Variants in NLRC5 observed in about 807,000 individuals in gnomAD.
NLRC5 encodes protein NLRC5.
NLRC5 carries 114 observed loss-of-function variants against 206.9 expected under a neutral mutation model. That is an observed-to-expected ratio of 0.55 (90% CI 0.47 to 0.64). The LOEUF is 0.64. Among genes scored for constraint, NLRC5 ranks in the 30% least tolerant of loss-of-function variants. NLRC5 has a pLI of 0.00. For synonymous variants in NLRC5, 952 were observed against 962.8 expected (o/e 0.99, Z 0.21); for missense variants, 2,008 against 2,305.5 (o/e 0.87, Z 2.64).
At position 57,079,077 on chromosome 16, in the gene NLRC5, T is replaced by C. The variant is rs2068795731; in HGVS notation, c.5109T>C (p.Gly1703=). The change falls in exon 44 of 49, where the codon GGT becomes GGC. Residue 1703 remains glycine, a synonymous_variant. Coordinates refer to ENST00000688547, the MANE Select transcript of NLRC5 (RefSeq NM_001384950.1). The part of the protein sequence containing the change: ...LHLPFSHLGP[G]GALSLAQALD... ...TACCATTCAGCCATCTGGGCCCAGG[T>C]GGGGCCCTGAGCCTGGCCCAGGCCC... is the stretch of plus-strand genomic sequence containing the variant. 3 of 1,614,038 alleles carry C rather than the reference T, an allele frequency of 1.9e-6. No individual in the cohort carries two copies. Among genetic ancestry groups the C allele is most frequent in the Non-Finnish European group, 2.5e-6 (3 of 1,179,980 alleles).
rs767160749 is a variant in NLRC5 at position 57,025,488 on chromosome 16, G to A, written c.545G>A (p.Arg182His). The change falls in exon 6 of 49, where the codon CGC (arginine) becomes CAC (histidine). Residue 182 changes from arginine to histidine, a missense_variant. Physicochemically the swap from Arg to His is conservative, Grantham distance 29. Transcript: ENST00000688547. ...CAGGTCTATGTCCCTCCAATCCTGC[G>A]CCGGGCCACAGCATCCTTAGACACT... Reference protein sequence around the residue: ...FHQVYVPPILRRATASLDTPE... With the variant: ...FHQVYVPPILHRATASLDTPE... 15 of 1,613,184 alleles carry A rather than the reference G, an allele frequency of 9.3e-6. No homozygotes were observed. The highest frequency in any genetic ancestry group is 2.2e-5 in the South Asian group (2 of 90,948).
rs772334295 is a variant in NLRC5, at chr16:57,037,276, G to A, written c.2793G>A (p.Leu931=). Residue 931 remains leucine (L), a synonymous_variant, in exon 15 of 49, where the codon CTG becomes CTA. Transcript: ENST00000688547. The stretch of plus-strand genomic sequence containing the variant: ...GTGCGTGCTGGACCCTGGCAGAGCT[G>A]CACATCAGGTGGGAGCTCCCTCAGA... ...AVSACWTLAE[L]HISLQHKTVI... is the part of the protein sequence containing the mutation. 48 of 1,612,476 alleles carry A rather than the reference G, an allele frequency of 3.0e-5. No individual in the cohort carries two copies. In the South Asian group the frequency reaches 4.9e-4, roughly 17 times the overall value.
intron 27 of NLRC5, among the ~76,000 whole-genome samples, 153 bp downstream of exon 27, chr16:57,055,672 CA>C (rs1209382817): frequency 6.6e-6 from 1 of 152,190 alleles, no homozygotes; most frequent in Non-Finnish European, 1.5e-5. Context: ...GTCACATACC[CA>C]AAGCTTCCCT....
rs751861088 is a variant in NLRC5, at chr16:57,079,669, A to T, written c.5321+40A>T. Reference sequence around the variant, plus strand: ...GAGCCCTGAGCTGGCTGGGAAAAGGAAAAGTCGGGAGGGGTCGGGGGAGTT... The same window carrying T: ...GAGCCCTGAGCTGGCTGGGAAAAGGTAAAGTCGGGAGGGGTCGGGGGAGTT... On this transcript the variant is annotated intron_variant, in intron 46 of 48. Coordinates refer to ENST00000688547, the MANE Select transcript of NLRC5 (RefSeq NM_001384950.1). 9 of 1,586,922 alleles carry T rather than the reference A, an allele frequency of 5.7e-6. No individual in the cohort carries two copies. In the Admixed American group the frequency reaches 1.2e-4, roughly 21 times the overall value.
intron 1 of NLRC5, among the ~76,000 whole-genome samples, chr16:57,007,181 T>A (rs548481825): frequency 2.0e-5 from 3 of 152,310 alleles, no homozygotes; most frequent in African/African-American, 7.2e-5. Context: ...GACACAAGCC[T>A]GTCGTCAGTT....
intron 41 of NLRC5, 76 bp from the exon 42 acceptor site, chr16:57,077,643 G>A (rs536898785): frequency 2.1e-6 from 3 of 1,423,650 alleles, no homozygotes; most frequent in Non-Finnish European, 2.9e-6. Flanking sequence ...AAGCAGGGGT[G>A]GCAGACCCAG....
intron 4 of NLRC5, 113 bp downstream of exon 4, chr16:57,022,428 A>T: frequency 1.1e-6 from 1 of 915,428 alleles, no homozygotes; most frequent in Non-Finnish European, 1.7e-6. Context: ...CATTTCTCAT[A>T]GGCCATGCTC....
At chr16:57,058,001 C>T in intron 27 of NLRC5, 64 bp from the exon 28 acceptor site, 1 of 1,329,338 alleles carries the variant, frequency 7.5e-7, no homozygotes, top group Non-Finnish European at 1.1e-6. Flanking sequence ...CTCCTGGTGA[C>T]TGAGGAGCAT....
chr16:57,048,253 C>G (rs2064279113), intron 23 of NLRC5: 1 of 152,732 alleles, frequency 6.5e-6, no homozygotes, highest in South Asian at 2.1e-4. Context: ...CTTCTCTCAT[C>G]AAATCCATGT....
chr16:57,070,247 G>GC (rs1252657525), intron 37 of NLRC5, among the ~76,000 whole-genome samples: 7 of 92,352 alleles, frequency 7.6e-5, no homozygotes, highest in African/African-American at 2.4e-4. Context: ...AAGAACAAGA[G>GC]GGTGTGTGTG....
At chr16:56,993,805 T>C (rs1192557095) in intron 1 of NLRC5, among the ~76,000 whole-genome samples, 1 of 152,208 alleles carries the variant, frequency 6.6e-6, no homozygotes, top group East Asian at 1.9e-4. Flanking sequence ...ACTTTTCATG[T>C]TAAGGGAATT....
At chr16:57,035,894 C>T (rs1302831555) in intron 13 of NLRC5, among the ~76,000 whole-genome samples, 3 of 152,146 alleles carry the variant, frequency 2.0e-5, no homozygotes, top group Admixed American at 1.3e-4. Context: ...ACGTCATCGG[C>T]ACTATGAGGA....
chr16:57,014,451 C>G (rs895083676), intron 1 of NLRC5, among the ~76,000 whole-genome samples: 1 of 152,118 alleles, frequency 6.6e-6, no homozygotes, highest in Non-Finnish European at 1.5e-5. Flanking sequence ...GATAGAATTG[C>G]CTTTATTCGT....
chr16:57,079,909 A>G (rs1489416132), intron 46 of NLRC5, among the ~76,000 whole-genome samples: 2 of 152,172 alleles, frequency 1.3e-5, no homozygotes, highest in African/African-American at 4.8e-5. Context: ...TGGTCTTTAA[A>G]GGTTTTTGGT....
At chr16:56,990,236 C>A (rs1281697884) in intron 1 of NLRC5, among the ~76,000 whole-genome samples, 1 of 152,122 alleles carries the variant, frequency 6.6e-6, no homozygotes, top group Non-Finnish European at 1.5e-5. Flanking sequence ...CAATCTCCAC[C>A]GCTGGTTATT....
rs373548722 is a variant in NLRC5, at chr16:57,026,320, C to T, written c.1377C>T (p.Asp459=). The change falls in exon 6 of 49, where the codon GAC becomes GAT. Residue 459 remains aspartate, a synonymous_variant. Transcript: ENST00000688547. ...ACTTGCCCACCTCGTCCCTACTGGA[C>T]CTGGGGGAGGTGGCCCTGAGGGGCC... ...PGHLPTSSLL[D]LGEVALRGLE... The T allele has an allele frequency of 2.4e-5, 39 of 1,613,886 alleles. No individual in the cohort carries two copies. Among genetic ancestry groups the T allele is most frequent in the Non-Finnish European group, 3.1e-5 (36 of 1,180,046 alleles).
At chr16:57,047,434 G>C in intron 22 of NLRC5, 111 bp from the exon 23 acceptor site, 1 of 927,332 alleles carries the variant, frequency 1.1e-6, no homozygotes, top group Admixed American at 2.2e-5. Flanking sequence ...GAAGGGGCCT[G>C]TGGCCTCCCA....
Position 57,007,331 on chromosome 16 carries a change from C to T in NLRC5, c.-127-9743C>T, listed in dbSNP as rs569796288. Among the ~76,000 whole-genome samples the T allele has an allele frequency of 2.0e-5, 3 of 152,328 alleles. No homozygotes were observed. In the South Asian group the frequency reaches 6.2e-4, roughly 32 times the overall value. ...ACAACCTTGCCAACTCAGTAATATC[C>T]TTGCGAATCTAATAGCTAGAAAATG... On this transcript the variant is annotated intron_variant, in intron 1 of 48. Transcript: ENST00000688547.
intron 1 of NLRC5, among the ~76,000 whole-genome samples, chr16:57,006,037 A>T (rs988728811): frequency 2.7e-5 from 4 of 150,814 alleles, no homozygotes; most frequent in Non-Finnish European, 5.9e-5. Flanking sequence ...TCACTCTGTC[A>T]CCCAGGCTGG....
Sources: gnomAD v4.1 joint callset for allele counts (sites outside exome capture counted in the v4.1 genomes callset) on GRCh38, gnomAD v4.1.1 for gene constraint, MANE v1.5 for transcripts, NCBI Gene and HGNC (gene_info 2026-07-23, HGNC 2026-07-21) for gene names.